Variants in TTC12 observed in about 807,000 individuals in gnomAD.
TTC12 encodes tetratricopeptide repeat protein 12.
In TTC12, 70 loss-of-function variants were observed where a neutral mutation model predicts 90.1. The observed-to-expected ratio is 0.78, with a 90% CI of 0.64 to 0.95. The LOEUF (loss-of-function observed/expected upper bound fraction) is 0.95. Among genes scored for constraint, TTC12 ranks in the 40% least tolerant of loss-of-function variants. TTC12 has a pLI of 0.00. For synonymous variants in TTC12, 296 were observed against 311.5 expected, an observed-to-expected ratio of 0.95 and a Z score of 0.53; for missense variants, 819 against 846.1, an observed-to-expected ratio of 0.97 and a Z score of 0.40.
chr11:113,342,526 G>T (rs1292951719), intron 12 of TTC12, among the ~76,000 whole-genome samples: 1 of 152,162 alleles, frequency 6.6e-6, no homozygotes, highest in Non-Finnish European at 1.5e-5. Flanking sequence ...ATAGGAAAAA[G>T]TTTGACCCTG....
chr11:113,338,136 C>T (rs1387450888), intron 8 of TTC12, among the ~76,000 whole-genome samples: 4 of 152,074 alleles, frequency 2.6e-5, no homozygotes, highest in East Asian at 3.9e-4. Context: ...TTAGATTATA[C>T]TCTGGGCAGT....
At position 113,341,900 on chromosome 11, in the gene TTC12, C is replaced by T; in HGVS notation, c.960C>T (p.Leu320=). The change falls in exon 12 of 22, where the codon CTC becomes CTT. Residue 320 remains leucine (L), a synonymous_variant. Coordinates refer to ENST00000529221, the MANE Select transcript of TTC12 (RefSeq NM_017868.4). ...EEMVCVSVLK[L]WQAVCSRNEE... ...TGGTCTGTGTGTCTGTTCTCAAGCTCTGGCAAGCAGTGTGCAGCAGGAACG... is the reference window on the plus strand; with the variant it reads ...TGGTCTGTGTGTCTGTTCTCAAGCTTTGGCAAGCAGTGTGCAGCAGGAACG... The T allele has an allele frequency of 1.2e-6, 2 of 1,614,184 alleles. No individual in the cohort carries two copies. Among genetic ancestry groups the T allele is most frequent in the Non-Finnish European group, 1.7e-6 (2 of 1,180,022 alleles).
chr11:113,325,661 A>G lies in TTC12; in HGVS notation c.444+16A>G. 6.2e-7 allele frequency: 1 copy of G among 1,613,446 alleles called. No individual in the cohort carries two copies. Among genetic ancestry groups the G allele is most frequent in the Non-Finnish European group, 8.5e-7 (1 of 1,179,624 alleles). On this transcript the variant is annotated intron_variant, in intron 6 of 21. Coordinates refer to ENST00000529221, the MANE Select transcript of TTC12 (RefSeq NM_017868.4). ...CCGAGCCCAGGTCAGTGAGGCAGGG[A>G]TGTATCCATGGGGCTTTCTCAGGGA...
intron 10 of TTC12, among the ~76,000 whole-genome samples, chr11:113,340,000 G>A (rs972967736): frequency 6.6e-6 from 1 of 152,192 alleles, no homozygotes; most frequent in East Asian, 1.9e-4. Flanking sequence ...ATGGAAGACA[G>A]AATTTTGTAG....
At chr11:113,326,494 C>T (rs1035887782) in intron 6 of TTC12, among the ~76,000 whole-genome samples, 2 of 152,146 alleles carry the variant, frequency 1.3e-5, no homozygotes, top group Non-Finnish European at 2.9e-5. Flanking sequence ...GCAGAGTCCT[C>T]ATCAGCTCTA....
chr11:113,354,446 C>G (rs1366582401), intron 16 of TTC12, among the ~76,000 whole-genome samples: 2 of 152,034 alleles, frequency 1.3e-5, no homozygotes, highest in African/African-American at 2.4e-5. Context: ...ATATAGATGC[C>G]CTTTATTTTC....
At chr11:113,318,201 T>G (rs2156486) in intron 2 of TTC12, among the ~76,000 whole-genome samples, 21,476 of 152,254 alleles carry the variant, frequency 0.14, 1,891 homozygotes, top group South Asian at 0.23. Flanking sequence ...AAAACAGATA[T>G]TAAACAGTAA....
intron 2 of TTC12, among the ~76,000 whole-genome samples, chr11:113,321,554 A>T (rs1286796796): frequency 1.3e-5 from 2 of 152,268 alleles, no homozygotes; most frequent in Non-Finnish European, 1.5e-5. Flanking sequence ...ATTTTATACA[A>T]CTATTTTAAA....
chr11:113,352,443 T>C (rs1189112939), intron 16 of TTC12, among the ~76,000 whole-genome samples: 1 of 151,538 alleles, frequency 6.6e-6, no homozygotes, highest in Non-Finnish European at 1.5e-5. Flanking sequence ...TAAAAATTAT[T>C]TATTTATTTA....
At chr11:113,348,791 G>A (rs1949109042) in intron 13 of TTC12, among the ~76,000 whole-genome samples, 1 of 152,144 alleles carries the variant, frequency 6.6e-6, no homozygotes, top group Admixed American at 6.5e-5. Context: ...TTGGAGAACA[G>A]GGGCCAACAG....
Position 113,362,468 on chromosome 11 carries a change from C to A in TTC12, c.1682C>A (p.Ala561Glu). ...AAAATTGTTGAGGAGGCCTTGCGAG[C>A]AGGAGTGGTAAAGAAAATGATGAAA... Reference protein sequence around the residue: ...SLKIVEEALRAGVVKKMMKFL... With the variant: ...SLKIVEEALREGVVKKMMKFL... The change falls in exon 19 of 22, where the codon GCA (alanine) becomes GAA (glutamate). Residue 561 changes from alanine to glutamate, a missense_variant. By Grantham distance (107) the Ala-to-Glu change is moderately radical (BLOSUM62 -1). Coordinates refer to ENST00000529221, the MANE Select transcript of TTC12 (RefSeq NM_017868.4). 1 of 1,613,734 alleles carries A rather than the reference C, an allele frequency of 6.2e-7. No homozygotes were observed. The highest frequency in any genetic ancestry group is 1.7e-4 in the Middle Eastern group (1 of 6,060).
At chr11:113,361,688 C>T (rs1324722861) in intron 18 of TTC12, among the ~76,000 whole-genome samples, 1 of 152,148 alleles carries the variant, frequency 6.6e-6, no homozygotes, top group Non-Finnish European at 1.5e-5. Context: ...TCTTTCCATA[C>T]TTCTGATAAA....
At position 113,344,294 on chromosome 11, in the gene TTC12, G is replaced by A; in HGVS notation, c.1008G>A (p.Val336=). Residue 336 remains valine, a synonymous_variant, in exon 13 of 22, where the codon GTG becomes GTA. Transcript: ENST00000529221. ...CAGAGGAAAACCAGCGTGTGCTAGT[G>A]ATACACCATGACAGGGCCAGGCTGT... is the stretch of plus-strand genomic sequence containing the variant. ...SRNEENQRVL[V]IHHDRARLLA... The A allele has an allele frequency of 6.2e-7, 1 of 1,613,858 alleles. No individual in the cohort carries two copies. Among genetic ancestry groups the A allele is most frequent in the Non-Finnish European group, 8.5e-7 (1 of 1,179,860 alleles).
intron 12 of TTC12, among the ~76,000 whole-genome samples, chr11:113,343,078 A>G (rs1425617184): frequency 1.3e-5 from 2 of 152,244 alleles, no homozygotes; most frequent in African/African-American, 4.8e-5. Flanking sequence ...ATCTAACTCA[A>G]TAAATGCAAA....
At chr11:113,364,498 G>T (rs1950101805) in intron 20 of TTC12, 1 of 324,792 alleles carries the variant, frequency 3.1e-6, no homozygotes, top group Non-Finnish European at 6.0e-6. Flanking sequence ...CCTGGGGGCT[G>T]TCAGATAAGA....
At chr11:113,331,965 CT>C (rs1948093194) in intron 7 of TTC12, among the ~76,000 whole-genome samples, 3 of 152,204 alleles carry the variant, frequency 2.0e-5, no homozygotes, top group Non-Finnish European at 4.4e-5. Flanking sequence ...AGCTTTTGCT[CT>C]CTTTAAAATT....
In TTC12 at chr11:113,362,465, G is replaced by A. The variant is rs557754152; in HGVS notation, c.1679G>A (p.Arg560Gln). 122 of 1,613,880 alleles carry A rather than the reference G, an allele frequency of 7.6e-5. No individual in the cohort carries two copies. In the South Asian group the frequency reaches 9.8e-4, roughly 13 times the overall value. ...SSLKIVEEAL[R>Q]AGVVKKMMKF... ...CTGAAAATTGTTGAGGAGGCCTTGC[G>A]AGCAGGAGTGGTAAAGAAAATGATG... The change falls in exon 19 of 22, where the codon CGA becomes CAA. Residue 560 changes from arginine to glutamine, a missense_variant. Transcript: ENST00000529221.
chr11:113,357,874 A>G (rs2138060042), intron 16 of TTC12, among the ~76,000 whole-genome samples: 1 of 152,358 alleles, frequency 6.6e-6, no homozygotes, highest in South Asian at 2.1e-4. Context: ...CAAGAATTTC[A>G]TAATGTGGTG....
chr11:113,329,781 T>C, intron 6 of TTC12, 139 bp from the exon 7 acceptor site: 2 of 761,280 alleles, frequency 2.6e-6, no homozygotes, highest in Non-Finnish European at 4.7e-6. Context: ...GTGCCATCTG[T>C]TTCCTGGCAG....
Sources: gnomAD v4.1 joint callset for allele counts (sites outside exome capture counted in the v4.1 genomes callset) on GRCh38, gnomAD v4.1.1 for gene constraint, MANE v1.5 for transcripts, NCBI Gene and HGNC (gene_info 2026-07-23, HGNC 2026-07-21) for gene names.